The following SAMD12 variants were observed in gnomAD, a reference collection of about 807,000 sequenced individuals.
SAMD12 encodes the protein sterile alpha motif domain-containing protein 12.
SAMD12 carries 9 observed loss-of-function variants against 15.0 expected under a neutral mutation model. The ratio of observed to expected loss-of-function variants is 0.60; its 90% CI spans 0.36 to 1.05. SAMD12 has a LOEUF of 1.05. Ranked by LOEUF, SAMD12 falls within the 50% of genes least tolerant of loss-of-function variation. The pLI is 0.01. For missense variants in SAMD12, 230 were observed against 234.2 expected (o/e 0.98, Z 0.12); for synonymous variants, 86 against 90.1 (o/e 0.96, Z 0.25).
chr8:118,543,598 TATGAG>T (rs1352249045), intron 2 of SAMD12, among the ~76,000 whole-genome samples: 5 of 144,776 alleles, frequency 3.5e-5, no homozygotes, highest in Admixed American at 3.3e-4. Context: ...CTTAAAACAT[TATGAG>T]ATTTTTTTTT....
intron 4 of SAMD12, among the ~76,000 whole-genome samples, chr8:118,200,167 A>T (rs1408745959): frequency 1.3e-5 from 2 of 152,100 alleles, no homozygotes; most frequent in African/African-American, 2.4e-5. Context: ...GCCACGTGGA[A>T]CTGTGAGTCA....
intron 4 of SAMD12, among the ~76,000 whole-genome samples, chr8:118,212,078 G>GTGTGTGTGTGTGTGTT (rs112435036): frequency 4.0e-5 from 6 of 150,972 alleles, no homozygotes; most frequent in African/African-American, 7.3e-5. Flanking sequence ...GTGTGTGTGT[G>GTGTGTGTGTGTGTGTT]TGTGTTTGTG....
intron 4 of SAMD12, among the ~76,000 whole-genome samples, chr8:118,324,443 G>A (rs1044723919): frequency 1.3e-5 from 2 of 152,112 alleles, no homozygotes; most frequent in African/African-American, 4.8e-5. Context: ...GCAAACGAGT[G>A]CATGTGGACT....
intron 4 of SAMD12, among the ~76,000 whole-genome samples, chr8:118,343,664 C>T (rs1430739318): frequency 6.6e-6 from 1 of 152,160 alleles, no homozygotes; most frequent in African/African-American, 2.4e-5. Flanking sequence ...CATCCTGGCC[C>T]TGAAGAGGTG....
chr8:118,485,422 TAAAG>T (rs1320232144), intron 2 of SAMD12, among the ~76,000 whole-genome samples: 1 of 152,138 alleles, frequency 6.6e-6, no homozygotes, highest in Non-Finnish European at 1.5e-5. Flanking sequence ...GCAGAGATGA[TAAAG>T]AAACAAGAAC....
chr8:118,503,007 G>A (rs1375738405), intron 2 of SAMD12, among the ~76,000 whole-genome samples: 1 of 152,152 alleles, frequency 6.6e-6, no homozygotes, highest in Non-Finnish European at 1.5e-5. Flanking sequence ...AAATAACCAT[G>A]CAGAGCAAAG....
At chr8:118,132,823 T>A in the SAMD12 span, among the ~76,000 whole-genome samples, 1 of 151,722 alleles carries the variant, frequency 6.6e-6, no homozygotes, top group African/African-American at 2.4e-5. Flanking sequence ...TTTACTTACA[T>A]ATGTTTTTAT....
intron 2 of SAMD12, among the ~76,000 whole-genome samples, chr8:118,455,963 A>T (rs1035687734): frequency 3.0e-4 from 45 of 152,140 alleles, no homozygotes; most frequent in African/African-American, 1.0e-3. Context: ...ATAACCTCCT[A>T]TTTTCCAAAT....
At chr8:118,477,574 T>C (rs1823994912) in intron 2 of SAMD12, among the ~76,000 whole-genome samples, 1 of 152,216 alleles carries the variant, frequency 6.6e-6, no homozygotes, top group African/African-American at 2.4e-5. Context: ...TTCTAATCAT[T>C]TGAATTTATA....
chr8:118,218,238 C>G (rs1401114208), intron 4 of SAMD12, among the ~76,000 whole-genome samples: 1 of 152,120 alleles, frequency 6.6e-6, no homozygotes, highest in Non-Finnish European at 1.5e-5. Flanking sequence ...TCACACTTTA[C>G]TATTATTTTC....
chr8:118,471,750 T>G (rs543704990), intron 2 of SAMD12, among the ~76,000 whole-genome samples: 39 of 152,254 alleles, frequency 2.6e-4, no homozygotes, highest in African/African-American at 7.7e-4. Flanking sequence ...GTTTTGGTGG[T>G]GGTGATGGCA....
chr8:118,396,027 G>C (rs1820548893), intron 3 of SAMD12, among the ~76,000 whole-genome samples: 1 of 151,972 alleles, frequency 6.6e-6, no homozygotes, highest in South Asian at 2.1e-4. Context: ...TTCTGATTTA[G>C]ATTTGGTTAT....
chr8:118,546,229 C>A (rs1563575022), intron 2 of SAMD12, among the ~76,000 whole-genome samples: 1 of 152,150 alleles, frequency 6.6e-6, no homozygotes. Flanking sequence ...GACCAATTAA[C>A]ATTTAAGCCA....
chr8:118,423,333 C>A (rs1050163305), intron 3 of SAMD12, among the ~76,000 whole-genome samples: 3 of 152,172 alleles, frequency 2.0e-5, no homozygotes, highest in African/African-American at 7.2e-5. Flanking sequence ...GGGTAACACA[C>A]AAGGGGGTGA....
chr8:118,290,509 GA>G (rs1814304759), intron 4 of SAMD12, among the ~76,000 whole-genome samples: 1 of 152,086 alleles, frequency 6.6e-6, no homozygotes, highest in South Asian at 2.1e-4. Flanking sequence ...TTCCTTCTTA[GA>G]AAAAGCCAAG....
At chr8:118,528,050 G>A (rs1344364045) in intron 2 of SAMD12, among the ~76,000 whole-genome samples, 4 of 151,568 alleles carry the variant, frequency 2.6e-5, no homozygotes, top group South Asian at 2.1e-4. Flanking sequence ...TTCCTGAGAC[G>A]GAGTCTCACT....
rs1827121111 is a variant in SAMD12, at chr8:118,575,387, ATT to A, written c.192+5326_192+5327del. On this transcript the variant is annotated intron_variant, in intron 2 of 3. Transcript: ENST00000314727. Reference sequence around the variant, plus strand: ...CTGAGGAGTAATTAATATATGCAGCATTTTAACCTCTTCTTTTGCCTAGTTGG... The same window carrying A: ...CTGAGGAGTAATTAATATATGCAGCATTAACCTCTTCTTTTGCCTAGTTGG... 2.0e-5 allele frequency among the ~76,000 whole-genome samples: 3 copies of A among 152,338 alleles called. No individual in the cohort carries two copies. The South Asian group carries it at 6.2e-4, about 32-fold the overall frequency.
Position 118,580,872 on chromosome 8 carries a change from G to T in SAMD12, c.35C>A (p.Pro12Gln). Reference protein sequence around the residue: ...AVEALHCGLNPRGIDHPAHAE... With the variant: ...AVEALHCGLNQRGIDHPAHAE... ...ATGGGCAGGGTGATCAATACCCCGT[G>T]GATTCAAACCACAGTGGAGAGCTAG... The change falls in exon 2 of 4, where the codon CCA becomes CAA. Residue 12 changes from proline to glutamine, a missense_variant. Pro to Gln is a moderately conservative substitution (Grantham distance 76). Transcript: ENST00000314727. The T allele has an allele frequency of 6.2e-7, 1 of 1,611,210 alleles. No individual in the cohort carries two copies. Among genetic ancestry groups the T allele is most frequent in the South Asian group, 1.1e-5 (1 of 90,590 alleles).
intron 1 of SAMD12, among the ~76,000 whole-genome samples, chr8:118,593,406 G>A (rs1420145362): frequency 1.3e-5 from 2 of 152,078 alleles, no homozygotes; most frequent in East Asian, 3.9e-4. Flanking sequence ...CATCAGAGGT[G>A]GTATTACTAA....
Sources: gnomAD v4.1 joint callset for allele counts (sites outside exome capture counted in the v4.1 genomes callset) on GRCh38, gnomAD v4.1.1 for gene constraint, MANE v1.5 for transcripts, NCBI Gene and HGNC (gene_info 2026-07-23, HGNC 2026-07-21) for gene names.